DNAH12: variants seen among roughly 807,000 people sequenced by gnomAD.
DNAH12 encodes dynein axonemal heavy chain 12, also known as axonemal beta dynein heavy chain 12.
Under a neutral mutation model 371.5 loss-of-function variants are expected in DNAH12, and 285 were observed. The observed-to-expected ratio is 0.77, with a 90% CI of 0.70 to 0.85. The LOEUF is 0.85. DNAH12 is among the 40% of genes least tolerant of loss of function. DNAH12 has a pLI of 0.00. For synonymous variants in DNAH12, 1,200 were observed against 1,213.0 expected (o/e 0.99, Z 0.22); for missense variants, 3,611 against 3,689.4 (o/e 0.98, Z 0.55).
intron 29 of DNAH12, among the ~76,000 whole-genome samples, chr3:57,438,333 AAAAACAAAAC>A (rs57965030): frequency 5.2e-4 from 78 of 150,894 alleles, no homozygotes; most frequent in African/African-American, 1.8e-3. Flanking sequence ...ACAAACAAAC[AAAAACAAAAC>A]AAAACAAAAC....
chr3:57,540,035 A>G lies in DNAH12; in HGVS notation c.170+2666T>C, dbSNP rs75156250. Among the ~76,000 whole-genome samples the G allele has an allele frequency of 9.5e-3, 1,434 of 151,496 alleles. 14 individuals carry two copies. Among genetic ancestry groups the G allele is most frequent in the Non-Finnish European group, 0.013 (893 of 67,866 alleles). Reference sequence around the variant, plus strand: ...AGCATACAAACAACTTAAAGACACAATCCTTTCTGTTGTGTTTTCTTTTTT... The same window carrying G: ...AGCATACAAACAACTTAAAGACACAGTCCTTTCTGTTGTGTTTTCTTTTTT... On this transcript the variant is annotated intron_variant, in intron 2 of 73. Transcript: ENST00000495027.
At chr3:57,481,536 C>A (rs1454171261) in intron 13 of DNAH12, among the ~76,000 whole-genome samples, 3 of 152,036 alleles carry the variant, frequency 2.0e-5, no homozygotes, top group African/African-American at 7.3e-5. Context: ...CATCAAGCTA[C>A]CAATGACTTT....
chr3:57,371,101 T>G (rs2063160458), intron 55 of DNAH12, among the ~76,000 whole-genome samples: 1 of 152,076 alleles, frequency 6.6e-6, no homozygotes, highest in Non-Finnish European at 1.5e-5. Context: ...CTGAGGAAAC[T>G]CCAAGATGGA....
At chr3:57,372,288 T>C (rs2063191941) in intron 55 of DNAH12, among the ~76,000 whole-genome samples, 1 of 152,106 alleles carries the variant, frequency 6.6e-6, no homozygotes, top group Non-Finnish European at 1.5e-5. Context: ...AAAAGATTTT[T>C]TTTAGGCCAG....
At chr3:57,329,416 C>A (rs1322258733) in intron 62 of DNAH12, among the ~76,000 whole-genome samples, 2 of 124,970 alleles carry the variant, frequency 1.6e-5, no homozygotes, top group Admixed American at 1.7e-4. Context: ...CACATATCTA[C>A]AACTATCTGA....
Position 57,486,753 on chromosome 3 carries a change from G to C in DNAH12, c.1514+2756C>G, listed in dbSNP as rs117722335. On this transcript the variant is annotated intron_variant, in intron 12 of 73. Transcript: ENST00000495027. ...GAGGATCCCTTGAGCCCAGGAGTTCGAGGTGGAAGTGAGCTATAATTGTGC... is the reference window on the plus strand; with the variant it reads ...GAGGATCCCTTGAGCCCAGGAGTTCCAGGTGGAAGTGAGCTATAATTGTGC... Among the ~76,000 whole-genome samples, 55 of 152,226 alleles carry C rather than the reference G, an allele frequency of 3.6e-4. No homozygotes were observed. In the East Asian group the frequency reaches 0.01, roughly 29 times the overall value.
chr3:57,478,244 T>A (rs1250158425), intron 13 of DNAH12, among the ~76,000 whole-genome samples: 12 of 152,068 alleles, frequency 7.9e-5, no homozygotes, highest in Admixed American at 3.9e-4. Flanking sequence ...CTGATGGAGC[T>A]GAAAACCAAG....
At chr3:57,415,321 A>C in intron 38 of DNAH12, 105 bp downstream of exon 38, 1 of 1,400,336 alleles carries the variant, frequency 7.1e-7, no homozygotes, top group South Asian at 1.5e-5. Context: ...GAAAGTTTTA[A>C]ATTCATAGAT....
At chr3:57,450,165 T>G (rs533330085) in intron 25 of DNAH12, among the ~76,000 whole-genome samples, 5 of 147,846 alleles carry the variant, frequency 3.4e-5, no homozygotes, top group African/African-American at 1.3e-4. Flanking sequence ...GGAGAATCAC[T>G]TGAACCTGGG....
intron 13 of DNAH12, among the ~76,000 whole-genome samples, chr3:57,481,411 A>C (rs2066737903): frequency 6.6e-6 from 1 of 152,156 alleles, no homozygotes; most frequent in Admixed American, 6.5e-5. Flanking sequence ...CTGCTCAACA[A>C]AATAAAAGAG....
intron 70 of DNAH12, among the ~76,000 whole-genome samples, chr3:57,298,148 A>G (rs191222566): frequency 6.6e-6 from 1 of 152,186 alleles, no homozygotes; most frequent in African/African-American, 2.4e-5. Flanking sequence ...TCTCAGTCCA[A>G]GCTTCTCAGT....
intron 62 of DNAH12, among the ~76,000 whole-genome samples, chr3:57,330,690 G>A (rs1047990102): frequency 2.7e-5 from 4 of 148,104 alleles, no homozygotes; most frequent in African/African-American, 5.0e-5. Flanking sequence ...TTGTGCACAT[G>A]TACCCTAAAA....
At chr3:57,302,561 A>AT (rs1180289342) in intron 69 of DNAH12, among the ~76,000 whole-genome samples, 2 of 45,160 alleles carry the variant, frequency 4.4e-5, no homozygotes, top group Non-Finnish European at 9.1e-5. Flanking sequence ...ATATATATAT[A>AT]TATGTATTTT....
At chr3:57,326,213 A>T (rs1337545385) in intron 62 of DNAH12, among the ~76,000 whole-genome samples, 2 of 151,960 alleles carry the variant, frequency 1.3e-5, no homozygotes, top group Non-Finnish European at 2.9e-5. Context: ...AGAGAATGCC[A>T]CAAAGATACT....
At chr3:57,317,254 C>A (rs1195357091) in intron 65 of DNAH12, among the ~76,000 whole-genome samples, 1 of 152,034 alleles carries the variant, frequency 6.6e-6, no homozygotes, top group African/African-American at 2.4e-5. Context: ...ATGAAATCTA[C>A]CATCTTAAAT....
chr3:57,317,299 G>A (rs7648819), intron 65 of DNAH12, among the ~76,000 whole-genome samples: 15,900 of 152,078 alleles, frequency 0.1, 1,156 homozygotes, highest in Middle Eastern at 0.15. Flanking sequence ...TTAACTATAA[G>A]GACAATGTTG....
At chr3:57,498,476 C>A in intron 11 of DNAH12, 1 of 712,186 alleles carries the variant, frequency 1.4e-6, no homozygotes, top group Non-Finnish European at 2.6e-6. Context: ...GCTACTATGC[C>A]TGGCTTAACA....
chr3:57,526,208 A>T (rs1559752269), intron 2 of DNAH12, among the ~76,000 whole-genome samples: 1 of 152,164 alleles, frequency 6.6e-6, no homozygotes. Context: ...CAGATAAGTG[A>T]ATGACTTTAA....
chr3:57,331,578 C>T (rs1287372813), intron 62 of DNAH12, among the ~76,000 whole-genome samples: 1 of 152,008 alleles, frequency 6.6e-6, no homozygotes, highest in Non-Finnish European at 1.5e-5. Context: ...TACCCAGAGA[C>T]AGAGCATTAG....
Sources: allele counts gnomAD v4.1 joint callset (sites outside exome capture counted in the v4.1 genomes callset), GRCh38; gene constraint gnomAD v4.1.1; transcripts MANE v1.5; gene names NCBI Gene and HGNC (gene_info 2026-07-23, HGNC 2026-07-21).